Variants in MCL1 observed in about 807,000 individuals in gnomAD.
MCL1 encodes the protein MCL1 apoptosis regulator, BCL2 family member, also known as induced myeloid leukemia cell differentiation protein Mcl-1.
In MCL1, 4 loss-of-function variants were observed where a neutral mutation model predicts 24.2. The ratio of observed to expected loss-of-function variants is 0.17; its 90% CI spans 0.08 to 0.38. MCL1 has a LOEUF of 0.38. Among genes scored for constraint, MCL1 ranks in the 10% least tolerant of loss-of-function variants. The pLI is 1.00. For synonymous variants in MCL1, 248 were observed against 214.0 expected, an observed-to-expected ratio of 1.16 and a Z score of -1.39; for missense variants, 529 against 480.3, an observed-to-expected ratio of 1.10 and a Z score of -0.95.
In MCL1 at chr1:150,578,968, T is replaced by A. The variant is rs1369220641; in HGVS notation, c.563A>T (p.Glu188Val). The A allele has an allele frequency of 6.2e-7, 1 of 1,613,490 alleles. No individual in the cohort carries two copies. Among genetic ancestry groups the A allele is most frequent in the Admixed American group, 1.7e-5 (1 of 59,992 alleles). Reference sequence around the variant, plus strand: ...TGTGTCCTTGGCGCCGGTGGCCTGCTCCCGAAGGTACCGAGAGATAATCTC... The same window carrying A: ...TGTGTCCTTGGCGCCGGTGGCCTGCACCCGAAGGTACCGAGAGATAATCTC... ...SLEIISRYLR[E>V]QATGAKDTKP... Residue 188 changes from glutamate (E) to valine (V), a missense_variant, in exon 1 of 3, where the codon GAG (glutamate) becomes GTG (valine). By Grantham distance (121) the Glu-to-Val change is moderately radical (BLOSUM62 -2). Coordinates refer to ENST00000369026, the MANE Select transcript of MCL1 (RefSeq NM_021960.5).
Position 150,577,178 on chromosome 1 carries a change from C to T in MCL1, c.*197G>A, listed in dbSNP as rs1570980737. ...GAAACTGAACTTTGCTTCTTTCAGA[C>T]AGTGACTCTTCAATCAATGGGGAGC... On this transcript the variant is annotated 3_prime_UTR_variant, in exon 3 of 3. Coordinates refer to ENST00000369026, the MANE Select transcript of MCL1 (RefSeq NM_021960.5). 1.6e-6 allele frequency: 1 copy of T among 606,582 alleles called. No individual in the cohort carries two copies. Among genetic ancestry groups the T allele is most frequent in the South Asian group, 2.8e-5 (1 of 35,778 alleles). The allele number at this position is 606,582 out of a possible 1,614,324, so 37.6% of individuals were successfully genotyped here.
rs190045126 is a variant in MCL1 at position 150,576,265 on chromosome 1, T to C, written c.*1110A>G. Reference sequence around the variant, plus strand: ...TTAGGTCAAATGGAAGGAACTCAAATGAGTATTGCCCAATCAGAGCCCATT... The same window carrying C: ...TTAGGTCAAATGGAAGGAACTCAAACGAGTATTGCCCAATCAGAGCCCATT... On this transcript the variant is annotated 3_prime_UTR_variant, in exon 3 of 3. Coordinates refer to ENST00000369026, the MANE Select transcript of MCL1 (RefSeq NM_021960.5). 18 of 233,098 alleles carry C rather than the reference T, an allele frequency of 7.7e-5. No individual in the cohort carries two copies. Among genetic ancestry groups the C allele is most frequent in the African/African-American group, 3.7e-4 (17 of 45,422 alleles). 14.4% of individuals were successfully genotyped at this position (233,098 alleles called of 1,614,324 possible).
rs775704707 is a variant in MCL1 at position 150,578,953 on chromosome 1, G to A, written c.578C>T (p.Ala193Val). 1.2e-6 allele frequency: 2 copies of A among 1,613,682 alleles called. No individual in the cohort carries two copies. The highest frequency in any genetic ancestry group is 1.7e-5 in the Admixed American group (1 of 60,022). Residue 193 changes from alanine (A) to valine (V), a missense_variant, in exon 1 of 3, where the codon GCC (alanine) becomes GTC (valine). Physicochemically the swap from Ala to Val is moderately conservative, Grantham distance 64. Transcript: ENST00000369026. ...SRYLREQATG[A>V]KDTKPMGRSG... ...CCTGCCCATTGGCTTTGTGTCCTTGGCGCCGGTGGCCTGCTCCCGAAGGTA... is the reference window on the plus strand; with the variant it reads ...CCTGCCCATTGGCTTTGTGTCCTTGACGCCGGTGGCCTGCTCCCGAAGGTA...
At position 150,577,361 on chromosome 1, in the gene MCL1, C is replaced by A; in HGVS notation, c.*14G>T. The A allele has an allele frequency of 6.2e-7, 1 of 1,610,602 alleles. No homozygotes were observed. The highest frequency in any genetic ancestry group is 1.1e-5 in the South Asian group (1 of 90,478). ...GTGGTTGGTTAAAAGTCAACTATTG[C>A]ACTTACAGTAAGGCTATCTTATTAG... On this transcript the variant is annotated 3_prime_UTR_variant, in exon 3 of 3. Coordinates refer to ENST00000369026, the MANE Select transcript of MCL1 (RefSeq NM_021960.5).
In MCL1 at chr1:150,579,311, G is replaced by C. The variant is rs1411237418; in HGVS notation, c.220C>G (p.Arg74Gly). Residue 74 changes from arginine (R) to glycine (G), a missense_variant, in exon 1 of 3, where the codon CGG becomes GGG. Arg to Gly is a moderately radical substitution (Grantham distance 125). Coordinates refer to ENST00000369026, the MANE Select transcript of MCL1 (RefSeq NM_021960.5). ...SPPSTLTPDS[R>G]RVARPPPIGA... is the part of the protein sequence containing the mutation. ...ATGGGCGGCGGCCGCGCGACCCTCC[G>C]GGAGTCTGGCGTGAGGGTGGACGGG... is the stretch of plus-strand genomic sequence containing the variant. 1.0e-5 allele frequency: 15 copies of C among 1,482,878 alleles called. No homozygotes were observed. The highest frequency in any genetic ancestry group is 2.8e-5 in the South Asian group (2 of 71,432). 91.9% of individuals were successfully genotyped at this position (1,482,878 alleles called of 1,614,324 possible).
Position 150,578,254 on chromosome 1 carries a change from T to C in MCL1, c.926A>G (p.Gln309Arg), listed in dbSNP as rs1256913299. Reference sequence around the variant, plus strand: ...TTAAGGCAAACTTACCCAGCCTCTTTGTTTAACTAGCCAGTCCCGTTTTGT... The same window carrying C: ...TTAAGGCAAACTTACCCAGCCTCTTCGTTTAACTAGCCAGTCCCGTTTTGT... ...VRTKRDWLVK[Q>R]RGWDGFVEFF... The change falls in exon 2 of 3, where the codon CAA becomes CGA. Residue 309 changes from glutamine (Q) to arginine (R), a missense_variant. Transcript: ENST00000369026. 3.7e-6 allele frequency: 6 copies of C among 1,613,464 alleles called. No homozygotes were observed. Among genetic ancestry groups the C allele is most frequent in the Non-Finnish European group, 4.2e-6 (5 of 1,179,830 alleles).
rs756444423 is a variant in MCL1 at position 150,579,213 on chromosome 1, C to G, written c.318G>C (p.Ala106=). Residue 106 remains alanine (A), a synonymous_variant, in exon 1 of 3, where the codon GCG becomes GCC. Transcript: ENST00000369026. ...LLFFAPTRRA[A]PLEEMEAPAA... ...CCGGGGCTTCCATCTCCTCAAGCGGCGCCGCGCGGCGGGTGGGCGCGAAGA... is the reference window on the plus strand; with the variant it reads ...CCGGGGCTTCCATCTCCTCAAGCGGGGCCGCGCGGCGGGTGGGCGCGAAGA... 1 of 1,574,474 alleles carries G rather than the reference C, an allele frequency of 6.4e-7. No homozygotes were observed.
At chr1:150,577,709 T>C (rs904456542) in intron 2 of MCL1, among the ~76,000 whole-genome samples, 1 of 152,218 alleles carries the variant, frequency 6.6e-6, no homozygotes, top group Non-Finnish European at 1.5e-5. Flanking sequence ...AGTACTATCT[T>C]GGTCTTATTA....
chr1:150,576,752 C>A lies in MCL1; in HGVS notation c.*623G>T, dbSNP rs1260926762. The A allele has an allele frequency of 1.3e-5, 3 of 232,352 alleles. No individual in the cohort carries two copies. Among genetic ancestry groups the A allele is most frequent in the Non-Finnish European group, 2.6e-5 (3 of 117,544 alleles). 14.4% of individuals were successfully genotyped at this position (232,352 alleles called of 1,614,324 possible). ...TCCATATTCATAACTAATTACTGAGCCTTCCGTCAAGTATTATTGGTGATA... is the reference window on the plus strand; with the variant it reads ...TCCATATTCATAACTAATTACTGAGACTTCCGTCAAGTATTATTGGTGATA... On this transcript the variant is annotated 3_prime_UTR_variant, in exon 3 of 3. Transcript: ENST00000369026.
intron 1 of MCL1, 112 bp downstream of exon 1, chr1:150,578,731 A>G: frequency 2.5e-6 from 3 of 1,191,972 alleles, no homozygotes; most frequent in Non-Finnish European, 2.4e-6. Flanking sequence ...GAATAGGATG[A>G]GACACGTTTC....
rs1647950904 is a variant in MCL1, at chr1:150,579,017, CCTCCT to C, written c.509_513del (p.Glu170GlyfsTer105). The C allele has an allele frequency of 6.2e-7, 1 of 1,612,504 alleles. No homozygotes were observed. Among genetic ancestry groups the C allele is most frequent in the African/African-American group, 1.3e-5 (1 of 74,904 alleles). ...TCCAGCGACTGCCGGTACAACTCGT[CCTCCT>C]CCTCCTCTGCTGGCGGCGGCGTCGA... On this transcript the variant is annotated frameshift_variant, in exon 1 of 3. Transcript: ENST00000369026. LOFTEE classifies it high-confidence loss of function.
rs587760643 is a variant in MCL1 at position 150,579,200 on chromosome 1, TCTC to T, written c.328_330del (p.Glu110del). 2.3e-4 allele frequency: 368 copies of T among 1,600,460 alleles called. 1 individual carries two copies. The highest frequency in any genetic ancestry group is 1.8e-3 in the Admixed American group (107 of 59,172). ...ATGGCGTCAGCGGCCGGGGCTTCCA[TCTC>T]CTCAAGCGGCGCCGCGCGGCGGGTG... On this transcript the variant is annotated inframe_deletion, in exon 1 of 3. Coordinates refer to ENST00000369026, the MANE Select transcript of MCL1 (RefSeq NM_021960.5).
chr1:150,579,467 C>A lies in MCL1; in HGVS notation c.64G>T (p.Gly22Trp). ...CGGGTGGCGCCGCCGCTGCCGGCCC[C>A]CAAGCCGGCCCCCCCACAGTAGAGG... Reference protein sequence around the residue: ...LNLYCGGAGLGAGSGGATRPG... With the variant: ...LNLYCGGAGLWAGSGGATRPG... Residue 22 changes from glycine to tryptophan, a missense_variant, in exon 1 of 3, where the codon GGG becomes TGG. Gly to Trp is a radical substitution (Grantham distance 184). Coordinates refer to ENST00000369026, the MANE Select transcript of MCL1 (RefSeq NM_021960.5). 1 of 1,592,932 alleles carries A rather than the reference C, an allele frequency of 6.3e-7. No homozygotes were observed. Among genetic ancestry groups the A allele is most frequent in the South Asian group, 1.1e-5 (1 of 89,938 alleles).
rs979452538 is a variant in MCL1, at chr1:150,578,694, C to T, written c.688+149G>A. ...GAATCAAGATGGGCGGAAACAATGA[C>T]TCATGGCCAGAATATTCTGGCTTCA... On this transcript the variant is annotated intron_variant, in intron 1 of 2. Transcript: ENST00000369026. The T allele has an allele frequency of 3.8e-6, 4 of 1,042,744 alleles. No individual in the cohort carries two copies. In the African/African-American group the frequency reaches 6.4e-5, roughly 17 times the overall value. 64.6% of individuals were successfully genotyped at this position (1,042,744 alleles called of 1,614,324 possible). A position where few individuals can be genotyped will look rare whatever the true frequency, so the allele number is the denominator to read the frequency against.
chr1:150,578,873 C>T lies in MCL1; in HGVS notation c.658G>A (p.Val220Met), dbSNP rs1408818148. The T allele has an allele frequency of 6.2e-7, 1 of 1,613,328 alleles. No individual in the cohort carries two copies. The highest frequency in any genetic ancestry group is 1.7e-5 in the Admixed American group (1 of 60,004). Reference sequence around the variant, plus strand: ...AAGGCCGTCTCGTGGTTGCGCTGCACGCCATCCCCAACCCGTCGTAAGGTC... The same window carrying T: ...AAGGCCGTCTCGTGGTTGCGCTGCATGCCATCCCCAACCCGTCGTAAGGTC... ...LETLRRVGDG[V>M]QRNHETAFQG... Residue 220 changes from valine (V) to methionine (M), a missense_variant, in exon 1 of 3, where the codon GTG becomes ATG. Physicochemically the swap from Val to Met is conservative, Grantham distance 21 (BLOSUM62 1). Coordinates refer to ENST00000369026, the MANE Select transcript of MCL1 (RefSeq NM_021960.5).
chr1:150,578,987 T>G lies in MCL1; in HGVS notation c.544A>C (p.Ile182Leu), dbSNP rs587619874. ...DELYRQSLEI[I>L]SRYLREQATG... is the part of the protein sequence containing the mutation. ...GCCTGCTCCCGAAGGTACCGAGAGA[T>G]AATCTCCAGCGACTGCCGGTACAAC... Residue 182 changes from isoleucine (I) to leucine (L), a missense_variant, in exon 1 of 3, where the codon ATC becomes CTC. By Grantham distance (5) the Ile-to-Leu change is conservative. Coordinates refer to ENST00000369026, the MANE Select transcript of MCL1 (RefSeq NM_021960.5). The G allele has an allele frequency of 1.3e-4, 203 of 1,613,630 alleles. 1 individual carries two copies. Among genetic ancestry groups the G allele is most frequent in the Non-Finnish European group, 1.5e-4 (180 of 1,180,018 alleles).
rs760318078 is a variant in MCL1, at chr1:150,579,269, C to T, written c.262G>A (p.Asp88Asn). ...AGCCTCGCGGGGGTCGCGGTGACGT[C>T]GGGGACCTCGGCGCCAATGGGCGGC... ...RPPPIGAEVP[D>N]VTATPARLLF... The change falls in exon 1 of 3, where the codon GAC becomes AAC. Residue 88 changes from aspartate (D) to asparagine (N), a missense_variant. Coordinates refer to ENST00000369026, the MANE Select transcript of MCL1 (RefSeq NM_021960.5). The T allele has an allele frequency of 1.1e-5, 16 of 1,490,608 alleles. No homozygotes were observed. The highest frequency in any genetic ancestry group is 2.5e-5 in the Admixed American group (1 of 40,314). 92.3% of individuals were successfully genotyped at this position (1,490,608 alleles called of 1,614,324 possible). A position where few individuals can be genotyped will look rare whatever the true frequency, so the allele number is the denominator to read the frequency against.
In MCL1 at chr1:150,575,204, T is replaced by C; in HGVS notation, c.*2171A>G. 1 of 233,280 alleles carries C rather than the reference T, an allele frequency of 4.3e-6. No individual in the cohort carries two copies. Among genetic ancestry groups the C allele is most frequent in the Admixed American group, 5.6e-5 (1 of 17,794 alleles). 14.5% of individuals were successfully genotyped at this position (233,280 alleles called of 1,614,324 possible). On this transcript the variant is annotated 3_prime_UTR_variant, in exon 3 of 3. Coordinates refer to ENST00000369026, the MANE Select transcript of MCL1 (RefSeq NM_021960.5). ...ATAAGCGGCTTATGATCAAGAACGA[T>C]AAATACATAGGTAAAAATAGCTCTA...
At chr1:150,577,894 TCCACCCCATATCTTCTCC>T (rs760807894) in intron 2 of MCL1, among the ~76,000 whole-genome samples, 22 of 152,170 alleles carry the variant, frequency 1.4e-4, no homozygotes, top group Non-Finnish European at 2.8e-4. Flanking sequence ...AAACGCAGGC[TCCACCCCATATCTTCTCC>T]ATTAAAACAG....
Sources: allele counts gnomAD v4.1 joint callset (sites outside exome capture counted in the v4.1 genomes callset), GRCh38; gene constraint gnomAD v4.1.1; transcripts MANE v1.5; gene names NCBI Gene and HGNC (gene_info 2026-07-23, HGNC 2026-07-21).